The following BMAL1 variants were observed in gnomAD, a reference collection of about 807,000 sequenced individuals.
The protein encoded by BMAL1 is basic helix-loop-helix ARNT-like protein 1.
chr11:13,366,270 T>C, the BMAL1 span, among the ~76,000 whole-genome samples: 2 of 152,238 alleles, frequency 1.3e-5, no homozygotes, highest in African/African-American at 4.8e-5. Context: ...GAAGTTGCTG[T>C]TATCTCTGTT....
chr11:13,312,005 C>G, the BMAL1 span, among the ~76,000 whole-genome samples: 2 of 152,214 alleles, frequency 1.3e-5, no homozygotes, highest in Admixed American at 1.3e-4. Context: ...AATTTGTGCT[C>G]TGAGTATTTT....
At chr11:13,304,904 C>T in the BMAL1 span, among the ~76,000 whole-genome samples, 186 of 152,336 alleles carry the variant, frequency 1.2e-3, 4 homozygotes, top group East Asian at 0.03. Context: ...GACATCAGAC[C>T]TCTCTACTGC....
At chr11:13,293,026 C>T in the BMAL1 span, among the ~76,000 whole-genome samples, 3 of 152,136 alleles carry the variant, frequency 2.0e-5, no homozygotes, top group South Asian at 2.1e-4. Context: ...GGAAAGCTAG[C>T]GGTCTGCTGT....
chr11:13,364,461 G>A, the BMAL1 span, among the ~76,000 whole-genome samples: 1 of 152,242 alleles, frequency 6.6e-6, no homozygotes, highest in Non-Finnish European at 1.5e-5. Flanking sequence ...TGTGGAAAAA[G>A]AGAACAGTTT....
the BMAL1 span, among the ~76,000 whole-genome samples, chr11:13,371,965 C>G: frequency 1.4e-4 from 21 of 152,202 alleles, no homozygotes; most frequent in African/African-American, 4.3e-4. Context: ...ACTGGCCCTA[C>G]TTAAGCATTC....
the BMAL1 span, among the ~76,000 whole-genome samples, chr11:13,377,541 A>C: frequency 6.6e-6 from 1 of 151,534 alleles, no homozygotes; most frequent in African/African-American, 2.4e-5. Context: ...CCCTCTCCCC[A>C]CCCCATCCTC....
chr11:13,321,087 C>T, the BMAL1 span, among the ~76,000 whole-genome samples: 1 of 152,130 alleles, frequency 6.6e-6, no homozygotes, highest in African/African-American at 2.4e-5. Context: ...TTCCCTTTTC[C>T]CTTCACTCTG....
the BMAL1 span, chr11:13,357,055 G>A: frequency 6.2e-7 from 1 of 1,614,180 alleles, no homozygotes; most frequent in Non-Finnish European, 8.5e-7. The surrounding 1 kb of genome is among the most constrained non-coding windows in gnomAD (Gnocchi z 4.8). Context: ...CTCCCCCCAG[G>A]TTAGAATATA....
the BMAL1 span, among the ~76,000 whole-genome samples, chr11:13,343,076 C>T: frequency 6.6e-6 from 1 of 152,186 alleles, no homozygotes; most frequent in Non-Finnish European, 1.5e-5. Flanking sequence ...GTAATGTTAT[C>T]CTTATCCTAC....
the BMAL1 span, chr11:13,355,311 A>C: frequency 6.2e-7 from 1 of 1,613,474 alleles, no homozygotes; most frequent in South Asian, 1.1e-5. Flanking sequence ...GTTATCCCAG[A>C]TGATTAAGAC....
At chr11:13,314,794 C>A in the BMAL1 span, among the ~76,000 whole-genome samples, 1 of 152,098 alleles carries the variant, frequency 6.6e-6, no homozygotes, top group Non-Finnish European at 1.5e-5. Flanking sequence ...CCTAGTGGCC[C>A]TTCATGGGGG....
At chr11:13,308,920 G>A in the BMAL1 span, among the ~76,000 whole-genome samples, 1 of 152,060 alleles carries the variant, frequency 6.6e-6, no homozygotes, top group South Asian at 2.1e-4. Context: ...GGGTTGCGGG[G>A]AGGAGGGAAG....
At chr11:13,307,155 G>C in the BMAL1 span, among the ~76,000 whole-genome samples, 5 of 152,138 alleles carry the variant, frequency 3.3e-5, no homozygotes, top group Admixed American at 6.5e-5. Flanking sequence ...AATGCATCTG[G>C]GGAAGATAAA....
At chr11:13,292,370 C>T in the BMAL1 span, among the ~76,000 whole-genome samples, 2 of 151,378 alleles carry the variant, frequency 1.3e-5, no homozygotes, top group Admixed American at 6.6e-5. Flanking sequence ...GGTGAAACCC[C>T]GTCTCTACTA....
At chr11:13,377,593 C>T in the BMAL1 span, among the ~76,000 whole-genome samples, 1 of 152,200 alleles carries the variant, frequency 6.6e-6, no homozygotes, top group African/African-American at 2.4e-5. Flanking sequence ...TCTAATAACC[C>T]AGTTCTCATT....
At chr11:13,382,259 G>GT in the BMAL1 span, among the ~76,000 whole-genome samples, 1 of 149,560 alleles carries the variant, frequency 6.7e-6, no homozygotes, top group South Asian at 2.2e-4. Flanking sequence ...CCCAAAAAAG[G>GT]TTGAAAGTTA....
the BMAL1 span, among the ~76,000 whole-genome samples, chr11:13,297,175 G>A: frequency 6.6e-6 from 1 of 152,210 alleles, no homozygotes; most frequent in African/African-American, 2.4e-5. Flanking sequence ...CTCTGGCTTT[G>A]GTTTGAATGA....
At chr11:13,338,970 T>G in the BMAL1 span, among the ~76,000 whole-genome samples, 1 of 152,210 alleles carries the variant, frequency 6.6e-6, no homozygotes, top group African/African-American at 2.4e-5. Context: ...AGACATCTCA[T>G]AGGCATCCCA....
the BMAL1 span, among the ~76,000 whole-genome samples, chr11:13,288,561 T>G: frequency 6.6e-6 from 1 of 151,776 alleles, no homozygotes; most frequent in Non-Finnish European, 1.5e-5. Flanking sequence ...AAGTCGGAGT[T>G]TACCTAGTGA....
Sources: gnomAD v4.1 joint callset for allele counts (sites outside exome capture counted in the v4.1 genomes callset) on GRCh38, gnomAD v4.1.1 for gene constraint, Gnocchi (gnomAD v3.1) non-coding constraint, MANE v1.5 for transcripts, NCBI Gene and HGNC (gene_info 2026-07-23, HGNC 2026-07-21) for gene names.